Variants in ROR2 observed in about 807,000 individuals in gnomAD.
The protein encoded by ROR2 is ROR family WNT receptor 2.
In ROR2, 33 loss-of-function variants were observed where a neutral mutation model predicts 74.9. That is an observed-to-expected ratio of 0.44 (90% CI 0.33 to 0.59). The LOEUF (loss-of-function observed/expected upper bound fraction) is 0.59, where lower values mean the gene tolerates loss of function less well. ROR2 is among the 20% of genes least tolerant of loss of function. The pLI is 0.02. For synonymous variants in ROR2, 586 were observed against 558.7 expected (o/e 1.05, Z -0.69); for missense variants, 1,216 against 1,313.8 (o/e 0.93, Z 1.15).
intron 2 of ROR2, among the ~76,000 whole-genome samples, chr9:91,762,863 A>G (rs1825956822): frequency 6.6e-6 from 1 of 152,196 alleles, no homozygotes; most frequent in Non-Finnish European, 1.5e-5. Flanking sequence ...CTATTTCCAC[A>G]TTATTGCTAT....
chr9:91,898,016 C>G (rs1329377282), intron 1 of ROR2, among the ~76,000 whole-genome samples: 1 of 152,152 alleles, frequency 6.6e-6, no homozygotes, highest in Admixed American at 6.5e-5. Flanking sequence ...CCATCCTGAC[C>G]TTGCCACGGC....
intron 5 of ROR2, 32 bp downstream of exon 5, chr9:91,737,359 A>C (rs749146738): frequency 6.8e-6 from 11 of 1,613,950 alleles, no homozygotes; most frequent in Non-Finnish European, 9.3e-6. Flanking sequence ...GTGCATGCTT[A>C]TCATCCTGGG....
At chr9:91,760,526 C>T (rs576400912) in intron 2 of ROR2, among the ~76,000 whole-genome samples, 248 of 151,468 alleles carry the variant, frequency 1.6e-3, no homozygotes, top group African/African-American at 5.6e-3. Flanking sequence ...CCTTGCTACT[C>T]GGGAGGCTGA....
chr9:91,936,351 C>T (rs1295473461), intron 1 of ROR2, among the ~76,000 whole-genome samples: 1 of 152,174 alleles, frequency 6.6e-6, no homozygotes, highest in Non-Finnish European at 1.5e-5. Context: ...GGGTCCTCGG[C>T]TGTCCATAAG....
intron 2 of ROR2, among the ~76,000 whole-genome samples, chr9:91,767,523 C>A (rs181067207): frequency 6.6e-6 from 1 of 152,194 alleles, no homozygotes; most frequent in Non-Finnish European, 1.5e-5. Context: ...GAGGTCATGG[C>A]GCTTTGATTA....
intron 1 of ROR2, among the ~76,000 whole-genome samples, chr9:91,915,485 T>A (rs1831103695): frequency 6.6e-6 from 1 of 152,176 alleles, no homozygotes; most frequent in Non-Finnish European, 1.5e-5. Flanking sequence ...GTTCGTGGTC[T>A]TCCTGACTTT....
chr9:91,934,054 G>T (rs186913577), intron 1 of ROR2, among the ~76,000 whole-genome samples: 66 of 152,282 alleles, frequency 4.3e-4, no homozygotes, highest in Admixed American at 3.9e-3. Context: ...AAGCACATGT[G>T]CGCAGAAAAC....
intron 1 of ROR2, chr9:91,948,565 C>T (rs9774945): frequency 1.0e-6 from 1 of 984,344 alleles, no homozygotes; most frequent in Non-Finnish European, 1.2e-6. Context: ...AAACTAAAAC[C>T]CCCCCCCAGG....
chr9:91,786,091 A>G (rs1017782666), intron 1 of ROR2, among the ~76,000 whole-genome samples: 1 of 141,164 alleles, frequency 7.1e-6, no homozygotes, highest in Non-Finnish European at 1.5e-5. Flanking sequence ...CCCAGCACTT[A>G]GGGAGGACCA....
intron 1 of ROR2, among the ~76,000 whole-genome samples, chr9:91,912,837 T>A (rs1831028419): frequency 6.6e-6 from 1 of 152,212 alleles, no homozygotes. Flanking sequence ...ACTTACAAAA[T>A]AGGCCAGCAG....
chr9:91,746,857 GGTGTGTGT>G (rs57891940), intron 4 of ROR2, among the ~76,000 whole-genome samples: 5,200 of 149,764 alleles, frequency 0.035, 269 homozygotes, highest in East Asian at 0.19. Flanking sequence ...TCCTTGAGCA[GGTGTGTGT>G]GTGTGTGTGT....
At chr9:91,747,847 C>T (rs1231357169) in intron 4 of ROR2, among the ~76,000 whole-genome samples, 1 of 152,134 alleles carries the variant, frequency 6.6e-6, no homozygotes, top group Non-Finnish European at 1.5e-5. Flanking sequence ...TGCTACTACA[C>T]ACTACAAAGT....
rs2118697446 is a variant in ROR2, at chr9:91,733,018, G to A, written c.937+104C>T. On this transcript the variant is annotated intron_variant, in intron 6 of 8. Transcript: ENST00000375708. The surrounding 1 kb of genome is among the most constrained non-coding windows in gnomAD (Gnocchi z 5.7). ...CTGCTAAGGGGGTTCTGTGGGGCCT[G>A]GACAGATGGGGCTCCCTGGGCTTCA... 1 of 1,185,950 alleles carries A rather than the reference G, an allele frequency of 8.4e-7. No homozygotes were observed. Among genetic ancestry groups the A allele is most frequent in the Non-Finnish European group, 1.2e-6 (1 of 846,436 alleles). 73.5% of individuals were successfully genotyped at this position (1,185,950 alleles called of 1,614,324 possible). A position where few individuals can be genotyped will look rare whatever the true frequency, so the allele number is the denominator to read the frequency against.
At chr9:91,801,443 C>T (rs1162272635) in intron 1 of ROR2, among the ~76,000 whole-genome samples, 1 of 152,190 alleles carries the variant, frequency 6.6e-6, no homozygotes, top group African/African-American at 2.4e-5. Context: ...AGCAATTCTC[C>T]TGCCTCAGCC....
rs559842818 is a variant in ROR2 at position 91,727,978 on chromosome 9, G to A, written c.1184-1235C>T. Among the ~76,000 whole-genome samples the A allele has an allele frequency of 5.3e-5, 8 of 152,242 alleles. No homozygotes were observed. In the South Asian group the frequency reaches 1.5e-3, roughly 28 times the overall value. On this transcript the variant is annotated intron_variant, in intron 7 of 8. Transcript: ENST00000375708. ...CACCTAGCAGCTTCCCCTCTGAAAG[G>A]GTTCTGAGGCAGGTGTTCCAGAAAT...
chr9:91,869,560 C>A (rs964520855), intron 1 of ROR2, among the ~76,000 whole-genome samples: 1 of 152,124 alleles, frequency 6.6e-6, no homozygotes, highest in Non-Finnish European at 1.5e-5. Flanking sequence ...ATAAACAAGT[C>A]TAGCTCAGAA....
intron 2 of ROR2, among the ~76,000 whole-genome samples, chr9:91,767,625 G>A (rs1316864510): frequency 2.0e-5 from 3 of 152,240 alleles, no homozygotes; most frequent in Non-Finnish European, 4.4e-5. Context: ...CCCAAGGGAA[G>A]ATACTTCCAG....
chr9:91,780,710 G>C (rs1231569619), intron 1 of ROR2, among the ~76,000 whole-genome samples: 4 of 152,174 alleles, frequency 2.6e-5, no homozygotes, highest in Non-Finnish European at 5.9e-5. Flanking sequence ...AGAATCACTT[G>C]AATCTGGGAG....
intron 1 of ROR2, among the ~76,000 whole-genome samples, chr9:91,887,788 C>CTTTT (rs771557997): frequency 0.021 from 2,091 of 100,606 alleles, 97 homozygotes; most frequent in African/African-American, 0.051. Flanking sequence ...CTTTTTTTCT[C>CTTTT]TTTTTTTTTT....
Sources: allele counts gnomAD v4.1 joint callset (sites outside exome capture counted in the v4.1 genomes callset), GRCh38; gene constraint gnomAD v4.1.1; non-coding constraint Gnocchi (gnomAD v3.1); transcripts MANE v1.5; gene names NCBI Gene and HGNC (gene_info 2026-07-23, HGNC 2026-07-21).